The following USP31 variants were observed in gnomAD, a reference collection of about 807,000 sequenced individuals.
The protein encoded by USP31 is ubiquitin carboxyl-terminal hydrolase 31.
A neutral mutation model predicts 119.4 loss-of-function variants in USP31; 44 were observed. The ratio of observed to expected loss-of-function variants is 0.37; its 90% CI spans 0.29 to 0.47. USP31 has a LOEUF of 0.47. Ranked by LOEUF, USP31 falls within the 20% of genes least tolerant of loss-of-function variation. The pLI is 0.99. For synonymous variants in USP31, 749 were observed against 705.6 expected (o/e 1.06, Z -0.97); for missense variants, 1,643 against 1,730.2 (o/e 0.95, Z 0.89).
chr16:23,108,306 G>A, intron 1 of USP31, 123 bp from the exon 2 acceptor site: 7 of 1,345,390 alleles, frequency 5.2e-6, no homozygotes, highest in Non-Finnish European at 6.9e-6. Context: ...TTCCCAGAAG[G>A]AGTGCAAAGT....
intron 15 of USP31, among the ~76,000 whole-genome samples, chr16:23,069,982 C>A (rs1023691642): frequency 6.6e-6 from 1 of 152,208 alleles, no homozygotes; most frequent in Admixed American, 6.5e-5. Context: ...CCACAGGTGA[C>A]ACGTAAGAAA....
At chr16:23,072,306 T>C (rs1244436851) in intron 14 of USP31, 109 bp from the exon 15 acceptor site, 2 of 1,447,288 alleles carry the variant, frequency 1.4e-6, no homozygotes, top group African/African-American at 2.8e-5. Flanking sequence ...GGCGTTGATG[T>C]CCTCACCCCG....
chr16:23,069,479 G>A lies in USP31; in HGVS notation c.2626C>T (p.Arg876Cys), dbSNP rs149268440. 81 of 1,614,188 alleles carry A rather than the reference G, an allele frequency of 5.0e-5. 2 individuals are homozygous for A. In the Middle Eastern group the frequency reaches 1.3e-3, roughly 26 times the overall value. The change falls in exon 16 of 16, where the codon CGC becomes TGC. Residue 876 changes from arginine to cysteine, a missense_variant. This residue lies in a region of USP31 where 699 missense variants were observed against 650.9 expected (regional missense o/e 1.07). Coordinates refer to ENST00000219689, the MANE Select transcript of USP31 (RefSeq NM_020718.4). The part of the protein sequence containing the change: ...SWSLSAKLQM[R>C]SNSPSRFSGD... Reference sequence around the variant, plus strand: ...GAAAATCGGGATGGAGAATTGGAGCGCATCTGCAGCTTAGCAGACAGGGAC... The same window carrying A: ...GAAAATCGGGATGGAGAATTGGAGCACATCTGCAGCTTAGCAGACAGGGAC...
At position 23,067,143 on chromosome 16, in the gene USP31, A is replaced by G. The variant is rs952718545; in HGVS notation, c.*903T>C. 1 of 152,640 alleles carries G rather than the reference A, an allele frequency of 6.6e-6. No individual in the cohort carries two copies. The highest frequency in any genetic ancestry group is 2.4e-5 in the African/African-American group (1 of 41,460). 9.5% of individuals were successfully genotyped at this position (152,640 alleles called of 1,614,324 possible). ...TCTTTCACCCAGTTTAGAATCTAGA[A>G]GTTTTTTCCAGGAATCTGTCAAAGG... On this transcript the variant is annotated 3_prime_UTR_variant, in exon 16 of 16. Coordinates refer to ENST00000219689, the MANE Select transcript of USP31 (RefSeq NM_020718.4).
intron 1 of USP31, among the ~76,000 whole-genome samples, chr16:23,131,562 A>G (rs923036508): frequency 6.6e-6 from 1 of 152,088 alleles, no homozygotes; most frequent in Non-Finnish European, 1.5e-5. Context: ...AAACACAGAA[A>G]CCTGTTGTGT....
chr16:23,130,747 G>T (rs540701606), intron 1 of USP31, among the ~76,000 whole-genome samples: 9 of 152,226 alleles, frequency 5.9e-5, no homozygotes, highest in Middle Eastern at 3.4e-3. Context: ...GGTCTGACAG[G>T]AACAGCACTA....
chr16:23,106,364 A>G, intron 3 of USP31, 35 bp downstream of exon 3: 1 of 1,613,566 alleles, frequency 6.2e-7, no homozygotes. Context: ...ATGTCAGGTA[A>G]ACAAAATAAG....
At chr16:23,136,976 G>A (rs1903212724) in intron 1 of USP31, among the ~76,000 whole-genome samples, 1 of 152,156 alleles carries the variant, frequency 6.6e-6, no homozygotes, top group African/African-American at 2.4e-5. Flanking sequence ...ACTTTGGGAG[G>A]CCAAGGCGGG....
At chr16:23,084,789 T>C in intron 11 of USP31, 71 bp downstream of exon 11, 1 of 1,582,170 alleles carries the variant, frequency 6.3e-7, no homozygotes, top group Non-Finnish European at 8.6e-7. Flanking sequence ...GATTTGTTTC[T>C]CCACTATCAC....
Position 23,087,739 on chromosome 16 carries a change from G to T in USP31, c.1512C>A (p.Pro504=). 6.2e-7 allele frequency: 1 copy of T among 1,613,988 alleles called. No homozygotes were observed. Among genetic ancestry groups the T allele is most frequent in the Non-Finnish European group, 8.5e-7 (1 of 1,179,974 alleles). Reference sequence around the variant, plus strand: ...GCTTACAAACCTGAATGCAAACCGTGGGCCTCAAGAAATACTTCATCTTCT... The same window carrying T: ...GCTTACAAACCTGAATGCAAACCGTTGGCCTCAAGAAATACTTCATCTTCT... ...ILEKMKYFLR[P]TVCIQVCPFS... The change falls in exon 8 of 16, where the codon CCC becomes CCA. Residue 504 remains proline (P), a synonymous_variant. Transcript: ENST00000219689.
intron 1 of USP31, among the ~76,000 whole-genome samples, chr16:23,114,593 C>T (rs1902433446): frequency 6.6e-6 from 1 of 152,130 alleles, no homozygotes; most frequent in Non-Finnish European, 1.5e-5. Context: ...GTTCAATTAT[C>T]AAGACTGCAT....
rs902376790 is a variant in USP31, at chr16:23,105,527, T to C, written c.1003A>G (p.Arg335Gly). 5.6e-6 allele frequency: 9 copies of C among 1,613,976 alleles called. No individual in the cohort carries two copies. The highest frequency in any genetic ancestry group is 5.9e-6 in the Non-Finnish European group (7 of 1,179,990). ...GACAGAGGTACGGCCACACCAATCC[T>C]CATGCAGTGAGAACATTTGCCTTGA... The part of the protein sequence containing the change: ...VYQGKCSHCM[R>G]IGVAVPLSGT... Residue 335 changes from arginine to glycine, a missense_variant, in exon 5 of 16, where the codon AGG becomes GGG. By Grantham distance (125) the Arg-to-Gly change is moderately radical. Around this residue, in one of 5 missense-constraint regions of USP31, gnomAD observed 144 missense variants for 218.0 expected, o/e 0.66. Transcript: ENST00000219689.
chr16:23,106,609 T>C (rs1902117330), intron 2 of USP31, 122 bp from the exon 3 acceptor site: 1 of 1,001,218 alleles, frequency 1.0e-6, no homozygotes, highest in African/African-American at 1.6e-5. Context: ...GTGCAGATAC[T>C]TCAGTGACGG....
In USP31 at chr16:23,149,092, G is replaced by C. The variant is rs948234258; in HGVS notation, c.179C>G (p.Ser60Trp). ...AACGCGGCTCATGAAGCTGCCCACCGAGCGTGCAGAGGAGGGCGAGGAGGG... is the reference window on the plus strand; with the variant it reads ...AACGCGGCTCATGAAGCTGCCCACCCAGCGTGCAGAGGAGGGCGAGGAGGG... ...SSPSSPSSAR[S>W]VGSFMSRVLK... Residue 60 changes from serine to tryptophan, a missense_variant, in exon 1 of 16, where the codon TCG becomes TGG. Ser to Trp is a radical substitution (Grantham distance 177, BLOSUM62 -3). Around this residue, in one of 5 missense-constraint regions of USP31, gnomAD observed 302 missense variants for 262.6 expected, o/e 1.15. Coordinates refer to ENST00000219689, the MANE Select transcript of USP31 (RefSeq NM_020718.4). 6.3e-6 allele frequency: 8 copies of C among 1,277,768 alleles called. No individual in the cohort carries two copies. The African/African-American group carries it at 1.1e-4, about 18-fold the overall frequency. 79.2% of individuals were successfully genotyped at this position (1,277,768 alleles called of 1,614,324 possible).
intron 1 of USP31, among the ~76,000 whole-genome samples, chr16:23,110,897 G>C (rs891232751): frequency 1.3e-5 from 2 of 152,148 alleles, no homozygotes; most frequent in East Asian, 3.9e-4. Flanking sequence ...GGGAGTCCAA[G>C]GAGGGTGGAT....
In USP31 at chr16:23,065,756, A is replaced by G. The variant is rs1455110697; in HGVS notation, c.*2290T>C. The G allele has an allele frequency of 1.3e-5, 2 of 152,212 alleles. No homozygotes were observed. Among genetic ancestry groups the G allele is most frequent in the African/African-American group, 2.4e-5 (1 of 41,458 alleles). 9.4% of individuals were successfully genotyped at this position (152,212 alleles called of 1,614,324 possible). A position where few individuals can be genotyped will look rare whatever the true frequency, so the allele number is the denominator to read the frequency against. Reference sequence around the variant, plus strand: ...AAATCCATTCCTAGATAACTCAAGAATAAAAATATTTACCACTGTGAAAAT... The same window carrying G: ...AAATCCATTCCTAGATAACTCAAGAGTAAAAATATTTACCACTGTGAAAAT... On this transcript the variant is annotated 3_prime_UTR_variant, in exon 16 of 16. Transcript: ENST00000219689.
At chr16:23,088,935 A>T (rs1441989746) in intron 7 of USP31, among the ~76,000 whole-genome samples, 1 of 152,226 alleles carries the variant, frequency 6.6e-6, no homozygotes, top group Non-Finnish European at 1.5e-5. Context: ...GATCACCAAG[A>T]AACCAGTTTC....
intron 1 of USP31, among the ~76,000 whole-genome samples, chr16:23,125,841 C>G (rs1457530574): frequency 1.3e-5 from 2 of 152,208 alleles, no homozygotes; most frequent in African/African-American, 4.8e-5. Context: ...TCTCCAGCTA[C>G]AGAGAGCCAT....
At chr16:23,082,703 A>G in intron 11 of USP31, 146 bp from the exon 12 acceptor site, 1 of 1,135,994 alleles carries the variant, frequency 8.8e-7, no homozygotes, top group Non-Finnish European at 1.2e-6. Context: ...AACACAATCA[A>G]AAGTAGCCAG....
Sources: allele counts gnomAD v4.1 joint callset (sites outside exome capture counted in the v4.1 genomes callset), GRCh38; gene constraint gnomAD v4.1.1; regional missense constraint gnomAD v4.1.1; transcripts MANE v1.5; gene names NCBI Gene and HGNC (gene_info 2026-07-23, HGNC 2026-07-21).